The following KIAA1671 variants were observed in gnomAD, a reference collection of about 807,000 sequenced individuals.
KIAA1671 encodes the protein KIAA1671.
KIAA1671 carries 52 observed loss-of-function variants against 131.2 expected under a neutral mutation model. That is an observed-to-expected ratio of 0.40 (90% CI 0.32 to 0.50). KIAA1671 has a LOEUF of 0.50. Among genes scored for constraint, KIAA1671 ranks in the 20% least tolerant of loss-of-function variants. The pLI, the probability that KIAA1671 is intolerant of heterozygous loss-of-function variation, is 0.73. For missense variants in KIAA1671, 2,360 were observed against 2,364.2 expected (o/e 1.00, Z 0.04); for synonymous variants, 1,003 against 961.6 (o/e 1.04, Z -0.80).
intron 6 of KIAA1671, among the ~76,000 whole-genome samples, chr22:25,093,740 C>CTCTCTCTCTCTTTCTCTCTCTCTCTCTG (rs1930167099): frequency 9.9e-6 from 1 of 101,480 alleles, no homozygotes; most frequent in East Asian, 2.8e-4. Context: ...CACACACACT[C>CTCTCTCTCTCTTTCTCTCTCTCTCTCTG]TCTCTCTCTC....
At chr22:25,091,047 T>G (rs1453026635) in intron 6 of KIAA1671, among the ~76,000 whole-genome samples, 2 of 152,096 alleles carry the variant, frequency 1.3e-5, no homozygotes, top group African/African-American at 2.4e-5. Flanking sequence ...TGAGTGAAGG[T>G]TAGATAAAGT....
chr22:24,963,592 G>A (rs963038040), intron 1 of KIAA1671, among the ~76,000 whole-genome samples: 2 of 151,954 alleles, frequency 1.3e-5, no homozygotes, highest in Non-Finnish European at 2.9e-5. Context: ...GGTGAGAAAC[G>A]GCAGCCCTTG....
At chr22:25,070,984 G>A (rs1222514423) in intron 6 of KIAA1671, among the ~76,000 whole-genome samples, 1 of 152,208 alleles carries the variant, frequency 6.6e-6, no homozygotes, top group Non-Finnish European at 1.5e-5. Flanking sequence ...GGGAAGCTGT[G>A]CAGAAGTGCT....
At chr22:25,151,565 G>A (rs529452838) in intron 6 of KIAA1671, among the ~76,000 whole-genome samples, 44 of 151,294 alleles carry the variant, frequency 2.9e-4, no homozygotes, top group African/African-American at 1.1e-3. Flanking sequence ...TCCAGTAGCT[G>A]GGACTACAGG....
At chr22:25,106,720 A>T (rs868606170) in intron 6 of KIAA1671, among the ~76,000 whole-genome samples, 2 of 152,258 alleles carry the variant, frequency 1.3e-5, no homozygotes, top group Admixed American at 6.5e-5. Context: ...AATTGTTTTT[A>T]AAAAATTAAA....
rs60969204 is a variant in KIAA1671 at position 24,984,912 on chromosome 22, CAAA to C, written c.-208+32163_-208+32165del. Among the ~76,000 whole-genome samples the C allele has an allele frequency of 7.3e-3, 395 of 54,428 alleles. 2 individuals carry two copies. Among genetic ancestry groups the C allele is most frequent in the African/African-American group, 0.025 (371 of 14,596 alleles). The allele number at this position is 54,428 out of a possible 152,430, so 35.7% of individuals were successfully genotyped here. A position where few individuals can be genotyped will look rare whatever the true frequency, so the allele number is the denominator to read the frequency against. ...CTGGCGACAGAGCTAGACTACGTCT[CAAA>C]AAAAAAAAAAAAAAAAAAAAAAGCA... is the stretch of plus-strand genomic sequence containing the variant. On this transcript the variant is annotated intron_variant, in intron 1 of 12. Transcript: ENST00000358431.
intron 11 of KIAA1671, among the ~76,000 whole-genome samples, chr22:25,187,730 C>T (rs185232622): frequency 2.3e-4 from 35 of 152,218 alleles, no homozygotes; most frequent in Admixed American, 3.3e-4. Flanking sequence ...AGGCCGGTCT[C>T]GAATTCCTGG....
rs1926126372 is a variant in KIAA1671, at chr22:25,029,127, G to T, written c.1128G>T (p.Gly376=). 2 of 1,462,642 alleles carry T rather than the reference G, an allele frequency of 1.4e-6. No individual in the cohort carries two copies. Among genetic ancestry groups the T allele is most frequent in the African/African-American group, 2.9e-5 (2 of 70,096 alleles). 90.6% of individuals were successfully genotyped at this position (1,462,642 alleles called of 1,614,324 possible). The change falls in exon 3 of 13, where the codon GGG becomes GGT. Residue 376 remains glycine, a synonymous_variant. Transcript: ENST00000358431. ...SPRALVGGSS[G]VTPSNDQSPW... is the part of the protein sequence containing the mutation. ...GAGCCCTGGTGGGGGGCTCATCTGG[G>T]GTCACCCCCAGCAATGACCAGAGTC...
At chr22:25,012,301 GTC>G (rs1319203486) in intron 1 of KIAA1671, 1 of 148,804 alleles carries the variant, frequency 6.7e-6, no homozygotes, top group Non-Finnish European at 1.5e-5. Flanking sequence ...TGGAGACGGA[GTC>G]TCTCTGTCAC....
intron 10 of KIAA1671, among the ~76,000 whole-genome samples, chr22:25,184,100 C>T (rs1308567159): frequency 3.3e-5 from 5 of 152,226 alleles, no homozygotes; most frequent in African/African-American, 1.2e-4. Context: ...TCAATCTCTA[C>T]CACAGCAGTG....
intron 6 of KIAA1671, among the ~76,000 whole-genome samples, chr22:25,113,943 G>A (rs1931522737): frequency 6.6e-6 from 1 of 152,138 alleles, no homozygotes. Context: ...CAGGGTATGG[G>A]GTTGGTGACA....
Position 25,193,144 on chromosome 22 carries a change from G to A in KIAA1671, c.*743G>A, listed in dbSNP as rs368952896. ...TAGGTATATATGTGTTTACGTTAAAGGACAGGAGGAAAGATGTGCGAATAA... is the reference window on the plus strand; with the variant it reads ...TAGGTATATATGTGTTTACGTTAAAAGACAGGAGGAAAGATGTGCGAATAA... On this transcript the variant is annotated 3_prime_UTR_variant, in exon 13 of 13. Coordinates refer to ENST00000358431, the MANE Select transcript of KIAA1671 (RefSeq NM_001145206.2). The A allele has an allele frequency of 1.2e-4, 19 of 152,280 alleles. No homozygotes were observed. The highest frequency in any genetic ancestry group is 4.3e-4 in the African/African-American group (18 of 41,564). 9.4% of individuals were successfully genotyped at this position (152,280 alleles called of 1,614,324 possible). A position where few individuals can be genotyped will look rare whatever the true frequency, so the allele number is the denominator to read the frequency against.
At chr22:25,043,843 GATGTGGCATCAGCAAATC>G (rs1256461789) in intron 5 of KIAA1671, among the ~76,000 whole-genome samples, 1 of 152,168 alleles carries the variant, frequency 6.6e-6, no homozygotes, top group Admixed American at 6.5e-5. Context: ...CGCCCTGTGT[GATGTGGCATCAGCAAATC>G]AGGCCACAGA....
chr22:24,957,643 C>T, intron 1 of KIAA1671, among the ~76,000 whole-genome samples: 1 of 150,416 alleles, frequency 6.6e-6, no homozygotes, highest in African/African-American at 2.4e-5. Context: ...CGCTGTTATG[C>T]CAGAATCTGG....
Position 25,041,187 on chromosome 22 carries a change from C to T in KIAA1671, c.4057C>T (p.Arg1353Trp), listed in dbSNP as rs1926904674. ...NYLAESKPSG[R>W]EDPGSGVRVS... is the part of the protein sequence containing the mutation. ...CCTGGCTGAGTCAAAGCCCTCTGGTCGGGAGGATCCAGGCAGTGGGGTCAG... is the reference window on the plus strand; with the variant it reads ...CCTGGCTGAGTCAAAGCCCTCTGGTTGGGAGGATCCAGGCAGTGGGGTCAG... The change falls in exon 5 of 13, where the codon CGG (arginine) becomes TGG (tryptophan). Residue 1353 changes from arginine to tryptophan, a missense_variant. Arg to Trp is a moderately radical substitution (Grantham distance 101). Coordinates refer to ENST00000358431, the MANE Select transcript of KIAA1671 (RefSeq NM_001145206.2). 1.9e-5 allele frequency: 29 copies of T among 1,551,668 alleles called. No individual in the cohort carries two copies. The highest frequency in any genetic ancestry group is 2.1e-5 in the Non-Finnish European group (24 of 1,147,014).
intron 6 of KIAA1671, among the ~76,000 whole-genome samples, chr22:25,096,087 GAGTCGGGGAGAAAA>G (rs1930377724): frequency 6.6e-6 from 1 of 152,230 alleles, no homozygotes; most frequent in African/African-American, 2.4e-5. Flanking sequence ...TCTCTGTGAT[GAGTCGGGGAGAAAA>G]AGCCTAGAGC....
chr22:25,059,276 G>A (rs1433489732), intron 6 of KIAA1671: 1 of 152,170 alleles, frequency 6.6e-6, no homozygotes. Context: ...AGATCAGCCT[G>A]GCCAACATGG....
chr22:25,090,237 G>A (rs1444039194), intron 6 of KIAA1671, among the ~76,000 whole-genome samples: 1 of 152,232 alleles, frequency 6.6e-6, no homozygotes, highest in Non-Finnish European at 1.5e-5. Flanking sequence ...TGCTATGCCG[G>A]TCGAGAGACC....
At chr22:25,016,952 C>G (rs542817435) in intron 1 of KIAA1671, among the ~76,000 whole-genome samples, 1 of 152,174 alleles carries the variant, frequency 6.6e-6, no homozygotes, top group African/African-American at 2.4e-5. Flanking sequence ...GCGGTGTGCC[C>G]AGAGTAGCAG....
Sources: allele counts gnomAD v4.1 joint callset (sites outside exome capture counted in the v4.1 genomes callset), GRCh38; gene constraint gnomAD v4.1.1; transcripts MANE v1.5; gene names NCBI Gene and HGNC (gene_info 2026-07-23, HGNC 2026-07-21).